Variants in EIF2D observed in about 807,000 individuals in gnomAD.
The protein encoded by EIF2D is hepatocellular carcinoma-associated antigen 56.
Under a neutral mutation model 77.4 loss-of-function variants are expected in EIF2D, and 56 were observed. The ratio of observed to expected loss-of-function variants is 0.72; its 90% CI spans 0.58 to 0.90. The LOEUF is 0.90. Ranked by LOEUF, EIF2D falls within the 40% of genes least tolerant of loss-of-function variation. The pLI, the probability that EIF2D is intolerant of heterozygous loss-of-function variation, is 0.00. For missense variants in EIF2D, 574 were observed against 706.5 expected (o/e 0.81, Z 2.13); for synonymous variants, 230 against 271.0 (o/e 0.85, Z 1.49).
chr1:206,605,402 C>G lies in EIF2D; in HGVS notation c.528G>C (p.Leu176Phe), dbSNP rs782329391. 2 of 1,613,710 alleles carry G rather than the reference C, an allele frequency of 1.2e-6. No homozygotes were observed. The highest frequency in any genetic ancestry group is 1.7e-6 in the Non-Finnish European group (2 of 1,179,726). Residue 176 changes from leucine to phenylalanine, a missense_variant and splice_region_variant, in exon 5 of 15, where the codon TTG (leucine) becomes TTC (phenylalanine). Coordinates refer to ENST00000271764, the MANE Select transcript of EIF2D (RefSeq NM_006893.3). The stretch of plus-strand genomic sequence containing the variant: ...AACAGAAGAAACTCTGTACCCACCA[C>G]AAGTGGTCCTGGTAAGTGTGGAGCA... ...FSVLHTYQDH[L>F]WRSGNKSSPP...
At position 206,593,504 on chromosome 1, in the gene EIF2D, A is replaced by T. The variant is rs1210428162; in HGVS notation, c.1684+115T>A. ...GAGAGAGAGCGAGAGAGAGAGAGAG[A>T]GAGAGTGTGTGTGTGTGTGTGTGTG... On this transcript the variant is annotated intron_variant, in intron 14 of 14. Transcript: ENST00000271764. 2,086 of 403,522 alleles carry T rather than the reference A, an allele frequency of 5.2e-3. 32 individuals are homozygous for T. Among genetic ancestry groups the T allele is most frequent in the African/African-American group, 7.3e-3 (164 of 22,446 alleles). 25.0% of individuals were successfully genotyped at this position (403,522 alleles called of 1,614,324 possible).
downstream of EIF2D, among the ~76,000 whole-genome samples, chr1:206,570,692 G>A (rs968700269): frequency 6.6e-6 from 1 of 151,828 alleles, no homozygotes. Flanking sequence ...TTAGCTTAAT[G>A]TTTTCAAGGT....
intron 2 of EIF2D, chr1:206,586,451 G>A (rs7535580): frequency 0.18 from 34,444 of 193,890 alleles, 3,271 homozygotes; most frequent in East Asian, 0.26. Context: ...GCCCAACCCC[G>A]GTCTCCTGAG....
chr1:206,572,733 G>A (rs570582660), intron 4 of EIF2D: 59 of 152,312 alleles, frequency 3.9e-4, no homozygotes, highest in African/African-American at 1.3e-3. Context: ...TGAACATTTA[G>A]GTTGAAGAAA....
rs782576124 is a variant in EIF2D, at chr1:206,583,275, T to C, written c.139-2113A>G. The C allele has an allele frequency of 9.3e-6, 15 of 1,609,600 alleles. No homozygotes were observed. The Admixed American group carries it at 1.8e-4, about 20-fold the overall frequency. ...ACTTCTGTGTCTCTTCCAGAATGTC[T>C]GTAAACCTGTGGAGGAGACACAGCG... is the stretch of plus-strand genomic sequence containing the variant. On this transcript the variant is annotated intron_variant and NMD_transcript_variant, in intron 2 of 5. Transcript: ENST00000472709.
chr1:206,591,424 A>G (rs1321889070), downstream of EIF2D, among the ~76,000 whole-genome samples: 1 of 152,186 alleles, frequency 6.6e-6, no homozygotes, highest in African/African-American at 2.4e-5. Flanking sequence ...TTAATTAGGC[A>G]GTAGGATATT....
chr1:206,582,266 C>T (rs1668919699), intron 2 of EIF2D, among the ~76,000 whole-genome samples: 1 of 152,190 alleles, frequency 6.6e-6, no homozygotes, highest in Non-Finnish European at 1.5e-5. Flanking sequence ...ACCTCAATCT[C>T]CTCAATTTCA....
In EIF2D at chr1:206,584,296, G is replaced by A. The variant is rs1669014024; in HGVS notation, c.139-3134C>T. On this transcript the variant is annotated intron_variant and NMD_transcript_variant, in intron 2 of 5. Coordinates refer to the EIF2D transcript ENST00000472709. The surrounding 1 kb of genome is among the most constrained non-coding windows in gnomAD (Gnocchi z 4.9). ...GGCAGGAAAGAACTCAAGGAGACAG[G>A]TGGGTGCTGCTGGGGCAATGGCCCC... 7.9e-7 allele frequency: 1 copy of A among 1,273,304 alleles called. No homozygotes were observed. Among genetic ancestry groups the A allele is most frequent in the Non-Finnish European group, 1.1e-6 (1 of 921,566 alleles). The allele number at this position is 1,273,304 out of a possible 1,614,324, so 78.9% of individuals were successfully genotyped here. A position where few individuals can be genotyped will look rare whatever the true frequency, so the allele number is the denominator to read the frequency against.
intron 4 of EIF2D, among the ~76,000 whole-genome samples, chr1:206,606,548 T>C (rs1399215450): frequency 1.3e-5 from 2 of 152,146 alleles, no homozygotes; most frequent in Non-Finnish European, 2.9e-5. Flanking sequence ...CTATCTCAGA[T>C]AGAATACTGG....
At chr1:206,594,625 A>G (rs1422924824) in intron 13 of EIF2D, 5 of 152,218 alleles carry the variant, frequency 3.3e-5, no homozygotes, top group African/African-American at 9.6e-5. Context: ...CTTAGAATCA[A>G]TAAGACTTTA....
At chr1:206,571,232 A>T (rs1348844712), downstream of EIF2D, 1 of 149,024 alleles carries the variant, frequency 6.7e-6, no homozygotes, top group Non-Finnish European at 1.5e-5. Context: ...TCATATATAG[A>T]TCTTCTTTAG....
chr1:206,602,986 A>T lies in EIF2D; in HGVS notation c.749T>A (p.Leu250Gln), dbSNP rs377436569. The change falls in exon 6 of 15, where the codon CTG becomes CAG. Residue 250 changes from leucine (L) to glutamine (Q), a missense_variant. By Grantham distance (113) the Leu-to-Gln change is moderately radical. Transcript: ENST00000271764. ...EAPEDTSTRG[L>Q]NQDSTDSKTL... The stretch of plus-strand genomic sequence containing the variant: ...TTTGCTATCTGTGGAGTCTTGGTTC[A>T]GGCCCCTGGTGCTGGTGTCTTCTGG... The T allele has an allele frequency of 6.2e-7, 1 of 1,614,104 alleles. No individual in the cohort carries two copies. Among genetic ancestry groups the T allele is most frequent in the Non-Finnish European group, 8.5e-7 (1 of 1,180,018 alleles).
chr1:206,597,109 A>C lies in EIF2D; in HGVS notation c.1379T>G (p.Leu460Arg). 6.2e-7 allele frequency: 1 copy of C among 1,613,912 alleles called. No homozygotes were observed. Residue 460 changes from leucine (L) to arginine (R), a missense_variant, in exon 12 of 15, where the codon CTT becomes CGT. Leu to Arg is a moderately radical substitution (Grantham distance 102, BLOSUM62 -2). Transcript: ENST00000271764. ...HTVMKLPWDS[L>R]LTRCLEKLQP... is the part of the protein sequence containing the mutation. ...TGCCAATGCTCGTTACCTGGTCAGA[A>C]GACTGTCCCATGGAAGCTTCATGAC...
In EIF2D at chr1:206,592,797, T is replaced by C. The variant is rs1456832723; in HGVS notation, c.1684+822A>G. ...AACGGGAGGCTGGGTTACCCAGAGTTAGTAGAAAGAACTTAGGCTTTAGGC... is the reference window on the plus strand; with the variant it reads ...AACGGGAGGCTGGGTTACCCAGAGTCAGTAGAAAGAACTTAGGCTTTAGGC... On this transcript the variant is annotated intron_variant, in intron 14 of 14. Coordinates refer to ENST00000271764, the MANE Select transcript of EIF2D (RefSeq NM_006893.3). This position sits in a 1 kb window ranked among gnomAD's most constrained non-coding sequence, Gnocchi z 4.7. Among the ~76,000 whole-genome samples the C allele has an allele frequency of 4.6e-5, 7 of 152,108 alleles. No homozygotes were observed. The highest frequency in any genetic ancestry group is 1.7e-4 in the African/African-American group (7 of 41,430).
chr1:206,603,383 AG>A, intron 5 of EIF2D, 179 bp from the exon 6 acceptor site: 2 of 726,140 alleles, frequency 2.8e-6, no homozygotes, highest in Non-Finnish European at 4.3e-6. Context: ...GGCCCCTAAA[AG>A]TTCCATGCCT....
At chr1:206,586,432 T>C in intron 2 of EIF2D, 1 of 182,826 alleles carries the variant, frequency 5.5e-6, no homozygotes, top group Non-Finnish European at 1.1e-5. Context: ...CTGGGAGAGG[T>C]GGAGTCAGGC....
chr1:206,612,330 C>T lies in EIF2D; in HGVS notation c.13G>A (p.Ala5Thr), dbSNP rs1670543981. The part of the protein sequence containing the change: MFAK[A>T]FRVKSNTAIK... ...GCCGTGTTGGACTTGACCCGAAAGGCCTTGGCAAACATGTCTGCTGGGGTG... is the reference window on the plus strand; with the variant it reads ...GCCGTGTTGGACTTGACCCGAAAGGTCTTGGCAAACATGTCTGCTGGGGTG... Residue 5 changes from alanine (A) to threonine (T), a missense_variant, in exon 1 of 15, where the codon GCC becomes ACC. Coordinates refer to ENST00000271764, the MANE Select transcript of EIF2D (RefSeq NM_006893.3). 3 of 1,614,132 alleles carry T rather than the reference C, an allele frequency of 1.9e-6. No homozygotes were observed. Among genetic ancestry groups the T allele is most frequent in the Admixed American group, 1.7e-5 (1 of 60,008 alleles).
intron 1 of EIF2D, 83 bp downstream of exon 1, chr1:206,612,204 A>AAGAATAGC (rs1313641867): frequency 6.3e-7 from 1 of 1,590,626 alleles, no homozygotes; most frequent in Admixed American, 1.7e-5. Flanking sequence ...GATGTCGGCC[A>AAGAATAGC]AGAATAGCGA....
At chr1:206,603,390 T>C in intron 5 of EIF2D, 186 bp from the exon 6 acceptor site, 2 of 666,262 alleles carry the variant, frequency 3.0e-6, no homozygotes, top group South Asian at 2.4e-5. Flanking sequence ...AAAAGTTCCA[T>C]GCCTCAGTTT....
Sources: allele counts gnomAD v4.1 joint callset (sites outside exome capture counted in the v4.1 genomes callset), GRCh38; gene constraint gnomAD v4.1.1; non-coding constraint Gnocchi (gnomAD v3.1); transcripts MANE v1.5; gene names NCBI Gene and HGNC (gene_info 2026-07-23, HGNC 2026-07-21).